Variants in BAALC observed in about 807,000 individuals in gnomAD.
BAALC encodes BAALC binder of MAP3K1 and KLF4.
Under a neutral mutation model 15.5 loss-of-function variants are expected in BAALC, and 9 were observed. The observed-to-expected ratio is 0.58, with a 90% confidence interval of 0.35 to 1.02. The LOEUF (loss-of-function observed/expected upper bound fraction) is 1.02, where lower values mean the gene tolerates loss of function less well. BAALC is among the 50% of genes least tolerant of loss of function. The probability of loss-of-function intolerance (pLI) is 0.02; values close to 1 mark genes in which losing one functional copy is unlikely to be tolerated. For missense variants in BAALC, 201 were observed against 192.4 expected (o/e 1.04, Z -0.27); for synonymous variants, 80 against 74.6 (o/e 1.07, Z -0.37).
intron 1 of BAALC, among the ~76,000 whole-genome samples, chr8:103,176,709 T>G (rs1157475928): frequency 6.6e-6 from 1 of 152,212 alleles, no homozygotes; most frequent in African/African-American, 2.4e-5. Flanking sequence ...GGGAGGGACC[T>G]GCATGAAGGG....
intron 1 of BAALC, among the ~76,000 whole-genome samples, chr8:103,161,756 C>A (rs543673333): frequency 6.6e-6 from 1 of 152,154 alleles, no homozygotes; most frequent in Non-Finnish European, 1.5e-5. Flanking sequence ...TATGAAAGTG[C>A]CTGTTTCCCC....
At chr8:103,203,349 T>A (rs185299017) in intron 1 of BAALC, among the ~76,000 whole-genome samples, 1 of 152,336 alleles carries the variant, frequency 6.6e-6, no homozygotes, top group East Asian at 1.9e-4. Context: ...GCTGTTCAAA[T>A]CCAAATGTGC....
chr8:103,205,823 G>A lies in BAALC; in HGVS notation c.161-7096G>A, dbSNP rs191648721. ...CAAGCTTTGGAAACATACGGAACCT[G>A]GGTTAAACTTCAATTTCTTCTTCTG... On this transcript the variant is annotated intron_variant, in intron 1 of 2. Transcript: ENST00000309982. Among the ~76,000 whole-genome samples, 28 of 152,284 alleles carry A rather than the reference G, an allele frequency of 1.8e-4. No homozygotes were observed. The East Asian group carries it at 4.6e-3, about 25-fold the overall frequency.
chr8:103,173,863 T>A (rs1168347128), intron 1 of BAALC, among the ~76,000 whole-genome samples: 1 of 152,106 alleles, frequency 6.6e-6, no homozygotes, highest in African/African-American at 2.4e-5. Flanking sequence ...CAGAAGTGAG[T>A]AAAGTTATCT....
chr8:103,211,013 A>T (rs1812437048), intron 1 of BAALC, among the ~76,000 whole-genome samples: 1 of 151,684 alleles, frequency 6.6e-6, no homozygotes, highest in Non-Finnish European at 1.5e-5. Context: ...TGTCTGTCTC[A>T]CTCTTGATTT....
At chr8:103,189,951 A>C (rs1234490870) in intron 1 of BAALC, among the ~76,000 whole-genome samples, 1 of 152,190 alleles carries the variant, frequency 6.6e-6, no homozygotes, top group East Asian at 1.9e-4. Context: ...AGGTTACTGC[A>C]GTAATCTAGA....
chr8:103,167,804 T>G (rs941114136), intron 1 of BAALC, among the ~76,000 whole-genome samples: 1 of 152,128 alleles, frequency 6.6e-6, no homozygotes, highest in Non-Finnish European at 1.5e-5. Flanking sequence ...TTGGACTTCA[T>G]CCTAACAGCA....
In BAALC at chr8:103,228,077, T is replaced by A; in HGVS notation, c.416T>A (p.Ile139Asn). 2 of 1,612,670 alleles carry A rather than the reference T, an allele frequency of 1.2e-6. No individual in the cohort carries two copies. The highest frequency in any genetic ancestry group is 1.7e-6 in the Non-Finnish European group (2 of 1,178,992). The part of the protein sequence containing the change: ...SIQQMDRSRR[I>N]TKNCVN Reference sequence around the variant, plus strand: ...CAACAGATGGACAGAAGTCGAAGAATCACAAAGAACTGTGTCAACTAGCAG... The same window carrying A: ...CAACAGATGGACAGAAGTCGAAGAAACACAAAGAACTGTGTCAACTAGCAG... Residue 139 changes from isoleucine to asparagine, a missense_variant, in exon 3 of 3, where the codon ATC (isoleucine) becomes AAC (asparagine). Coordinates refer to ENST00000309982, the MANE Select transcript of BAALC (RefSeq NM_024812.3).
At chr8:103,174,695 T>G (rs1021356777) in intron 1 of BAALC, among the ~76,000 whole-genome samples, 1 of 152,222 alleles carries the variant, frequency 6.6e-6, no homozygotes. Flanking sequence ...CATGGTTCGA[T>G]AAGCTTGGGA....
chr8:103,213,554 ATGTGG>A (rs957966738), intron 2 of BAALC: 2 of 155,326 alleles, frequency 1.3e-5, no homozygotes, highest in African/African-American at 4.8e-5. Flanking sequence ...TCATAGCAGA[ATGTGG>A]TGACAGCATC....
At chr8:103,225,327 A>G (rs1223518713) in intron 2 of BAALC, among the ~76,000 whole-genome samples, 3 of 152,246 alleles carry the variant, frequency 2.0e-5, no homozygotes, top group Admixed American at 2.0e-4. Flanking sequence ...ATCTCATGAA[A>G]TAAATAGATA....
intron 1 of BAALC, among the ~76,000 whole-genome samples, chr8:103,167,121 CA>C (rs1295003519): frequency 6.6e-6 from 1 of 152,056 alleles, no homozygotes; most frequent in Non-Finnish European, 1.5e-5. Context: ...TGGATTTTGC[CA>C]TTGGGATTAT....
At position 103,200,456 on chromosome 8, in the gene BAALC, C is replaced by G. The variant is rs559497102; in HGVS notation, c.161-12463C>G. 2.0e-5 allele frequency among the ~76,000 whole-genome samples: 3 copies of G among 152,278 alleles called. No homozygotes were observed. The East Asian group carries it at 5.8e-4, about 29-fold the overall frequency. ...TAGCCTAATGAAAAGGCTAGTTGTA[C>G]TAAGGTCAGAAAATGTCAAGGAGTA... On this transcript the variant is annotated intron_variant, in intron 1 of 2. Coordinates refer to ENST00000309982, the MANE Select transcript of BAALC (RefSeq NM_024812.3).
intron 1 of BAALC, among the ~76,000 whole-genome samples, chr8:103,146,984 G>C (rs1052662382): frequency 2.0e-5 from 3 of 152,180 alleles, no homozygotes; most frequent in African/African-American, 7.2e-5. Context: ...TGTCTCTCTA[G>C]TTAGTCTGTG....
At chr8:103,200,930 T>C (rs1015559239) in intron 1 of BAALC, among the ~76,000 whole-genome samples, 4 of 152,182 alleles carry the variant, frequency 2.6e-5, no homozygotes, top group South Asian at 2.1e-4. Context: ...ATTCAGACCA[T>C]AGCAGGGAGG....
At chr8:103,180,711 C>T (rs560943647) in intron 1 of BAALC, among the ~76,000 whole-genome samples, 9 of 152,312 alleles carry the variant, frequency 5.9e-5, no homozygotes, top group African/African-American at 2.2e-4. Flanking sequence ...CTTTGGGATT[C>T]AGCAGGCAAG....
chr8:103,151,762 A>C (rs1810993198), intron 1 of BAALC, among the ~76,000 whole-genome samples: 1 of 151,418 alleles, frequency 6.6e-6, no homozygotes, highest in Non-Finnish European at 1.5e-5. Flanking sequence ...TGAATATAAA[A>C]AAAAAAATCA....
chr8:103,195,275 C>T (rs1239728269), intron 1 of BAALC, among the ~76,000 whole-genome samples: 1 of 152,162 alleles, frequency 6.6e-6, no homozygotes, highest in Non-Finnish European at 1.5e-5. Context: ...GCATCCCCAG[C>T]CCCATCACCA....
intron 1 of BAALC, among the ~76,000 whole-genome samples, chr8:103,178,712 C>A (rs1586404021): frequency 6.6e-6 from 1 of 152,104 alleles, no homozygotes; most frequent in East Asian, 1.9e-4. Flanking sequence ...CAAAAATTAG[C>A]TGGGTATGGT....
Sources: allele counts gnomAD v4.1 joint callset (sites outside exome capture counted in the v4.1 genomes callset), GRCh38; gene constraint gnomAD v4.1.1; transcripts MANE v1.5; gene names NCBI Gene and HGNC (gene_info 2026-07-23, HGNC 2026-07-21).